MAPRE2: variants seen among roughly 807,000 people sequenced by gnomAD.
MAPRE2 encodes the protein microtubule associated protein RP/EB family member 2.
MAPRE2 carries 13 observed loss-of-function variants against 43.2 expected under a neutral mutation model. The observed-to-expected ratio is 0.30, with a 90% CI of 0.20 to 0.48. The LOEUF (loss-of-function observed/expected upper bound fraction) is 0.48. Among genes scored for constraint, MAPRE2 ranks in the 20% least tolerant of loss-of-function variants. The probability of loss-of-function intolerance (pLI) is 0.99; values close to 1 mark genes in which losing one functional copy is unlikely to be tolerated. For synonymous variants in MAPRE2, 135 were observed against 148.8 expected (o/e 0.91, Z 0.68); for missense variants, 161 against 400.2 (o/e 0.40, Z 5.10).
intron 2 of MAPRE2, among the ~76,000 whole-genome samples, chr18:35,018,897 C>T (rs2097040195): frequency 1.3e-5 from 2 of 151,588 alleles, no homozygotes; most frequent in South Asian, 4.2e-4. Context: ...TCTCTGCTTC[C>T]CTTTGGTATG....
chr18:35,018,373 A>C (rs2097039762), intron 2 of MAPRE2, among the ~76,000 whole-genome samples: 1 of 152,020 alleles, frequency 6.6e-6, no homozygotes, highest in Non-Finnish European at 1.5e-5. Flanking sequence ...TACTTTCAGC[A>C]GAATTGATAC....
intron 1 of MAPRE2, among the ~76,000 whole-genome samples, chr18:34,979,242 G>A (rs1464754437): frequency 6.6e-6 from 1 of 152,170 alleles, no homozygotes; most frequent in Non-Finnish European, 1.5e-5. Context: ...CTGCACTGTT[G>A]TTAAGGGAGA....
chr18:35,035,503 A>C (rs1232528152), intron 2 of MAPRE2, among the ~76,000 whole-genome samples: 3 of 152,036 alleles, frequency 2.0e-5, no homozygotes, highest in Non-Finnish European at 4.4e-5. Flanking sequence ...CCTAAAACTT[A>C]AAGTATAATA....
chr18:35,040,489 C>T (rs984842272), upstream of MAPRE2, among the ~76,000 whole-genome samples: 3 of 152,202 alleles, frequency 2.0e-5, no homozygotes, highest in African/African-American at 7.2e-5. Flanking sequence ...AAGCAGTTTA[C>T]TTAATCTTAC....
chr18:34,996,695 CT>C (rs2097026677), intron 1 of MAPRE2, among the ~76,000 whole-genome samples: 1 of 152,268 alleles, frequency 6.6e-6, no homozygotes, highest in Non-Finnish European at 1.5e-5. Flanking sequence ...ACCAGAGCCC[CT>C]GATGTACTGT....
chr18:35,030,225 C>A (rs2097047174), intron 2 of MAPRE2, among the ~76,000 whole-genome samples: 1 of 152,150 alleles, frequency 6.6e-6, no homozygotes, highest in Non-Finnish European at 1.5e-5. Context: ...TACAGCCTCC[C>A]ATCCCTGGGT....
At chr18:35,120,781 G>T (rs1247446366) in intron 4 of MAPRE2, among the ~76,000 whole-genome samples, 1 of 151,822 alleles carries the variant, frequency 6.6e-6, no homozygotes, top group Non-Finnish European at 1.5e-5. Context: ...CTTTGCCAAG[G>T]TGCAGGGGAT....
At chr18:35,063,391 G>A (rs990468250) in intron 1 of MAPRE2, among the ~76,000 whole-genome samples, 1 of 152,012 alleles carries the variant, frequency 6.6e-6, no homozygotes, top group Non-Finnish European at 1.5e-5. Flanking sequence ...ACAGGCGTGA[G>A]CCACTGCGCC....
chr18:35,101,176 T>C (rs1452851409), intron 3 of MAPRE2, among the ~76,000 whole-genome samples: 1 of 152,232 alleles, frequency 6.6e-6, no homozygotes, highest in Non-Finnish European at 1.5e-5. Context: ...ACTAAGGATA[T>C]TCCTTTTGTC....
intron 4 of MAPRE2, among the ~76,000 whole-genome samples, chr18:35,113,540 C>T (rs1909275711): frequency 6.6e-6 from 1 of 152,082 alleles, no homozygotes; most frequent in African/African-American, 2.4e-5. Context: ...TACTTTGCAA[C>T]TCAGAATCTG....
At chr18:35,026,498 G>A (rs1350679787) in intron 2 of MAPRE2, among the ~76,000 whole-genome samples, 4 of 152,086 alleles carry the variant, frequency 2.6e-5, no homozygotes, top group Non-Finnish European at 5.9e-5. Context: ...AAACCTGAAT[G>A]GAGATTTGAC....
chr18:35,005,578 C>T (rs1410030672), intron 2 of MAPRE2: 1 of 1,425,678 alleles, frequency 7.0e-7, no homozygotes, highest in Non-Finnish European at 9.5e-7. Context: ...AATTACGTTG[C>T]ATGACTCCTT....
At chr18:35,099,011 A>G (rs1374130001) in intron 3 of MAPRE2, among the ~76,000 whole-genome samples, 1 of 152,232 alleles carries the variant, frequency 6.6e-6, no homozygotes, top group African/African-American at 2.4e-5. Flanking sequence ...CTGATGGCAC[A>G]ATGGAAAGTT....
At chr18:35,048,788 A>G (rs897947275) in intron 1 of MAPRE2, among the ~76,000 whole-genome samples, 8 of 150,426 alleles carry the variant, frequency 5.3e-5, no homozygotes, top group African/African-American at 1.9e-4. Flanking sequence ...TTAATACTAT[A>G]TATAACACAT....
At chr18:35,100,044 A>G (rs1908602606) in intron 3 of MAPRE2, among the ~76,000 whole-genome samples, 1 of 152,158 alleles carries the variant, frequency 6.6e-6, no homozygotes. Flanking sequence ...GCTTCCATTC[A>G]TATTGTCACA....
chr18:34,997,047 A>G (rs2097026845), intron 1 of MAPRE2, among the ~76,000 whole-genome samples: 1 of 152,138 alleles, frequency 6.6e-6, no homozygotes, highest in African/African-American at 2.4e-5. Flanking sequence ...TGCTTAAAAA[A>G]GGGGGGTGGG....
rs4575609 is a variant in MAPRE2 at position 34,982,987 on chromosome 18, C to T, written c.-70+5908C>T. ...TGCAGCCATACTTGTTTGTTTACATCTTGTCTATGGCTGTGGCAGCATGGA... is the reference window on the plus strand; with the variant it reads ...TGCAGCCATACTTGTTTGTTTACATTTTGTCTATGGCTGTGGCAGCATGGA... On this transcript the variant is annotated intron_variant, in intron 1 of 7. Transcript: ENST00000413393. Among the ~76,000 whole-genome samples, 286 of 152,232 alleles carry T rather than the reference C, an allele frequency of 1.9e-3. 1 individual carries two copies. The highest frequency in any genetic ancestry group is 0.011 in the Admixed American group (170 of 15,298).
rs1161883717 is a variant in MAPRE2 at position 35,070,191 on chromosome 18, C to G, written c.123-4C>G. 2 of 1,569,384 alleles carry G rather than the reference C, an allele frequency of 1.3e-6. No homozygotes were observed. The highest frequency in any genetic ancestry group is 2.1e-5 in the Admixed American group (1 of 48,594). ...TTGTTAAATAAACTTTGTTTTTTTT[C>G]TAGTTGGGGAATGGCGGTCAATGTG... On this transcript the variant is annotated splice_polypyrimidine_tract_variant and splice_region_variant and intron_variant, in intron 1 of 6. Coordinates refer to ENST00000300249, the MANE Select transcript of MAPRE2 (RefSeq NM_014268.4).
rs113273125 is a variant in MAPRE2 at position 34,979,237 on chromosome 18, C to T, written c.-70+2158C>T. On this transcript the variant is annotated intron_variant, in intron 1 of 7. Coordinates refer to the MAPRE2 transcript ENST00000413393. ...CTTACTTCAATGCCTGGTTTCTGCACTGTTGTTAAGGGAGACGGATAGAAA... is the reference window on the plus strand; with the variant it reads ...CTTACTTCAATGCCTGGTTTCTGCATTGTTGTTAAGGGAGACGGATAGAAA... Among the ~76,000 whole-genome samples, 658 of 152,242 alleles carry T rather than the reference C, an allele frequency of 4.3e-3. 9 individuals carry two copies. The highest frequency in any genetic ancestry group is 0.015 in the African/African-American group (622 of 41,528).
Sources: allele counts gnomAD v4.1 joint callset (sites outside exome capture counted in the v4.1 genomes callset), GRCh38; gene constraint gnomAD v4.1.1; transcripts MANE v1.5; gene names NCBI Gene and HGNC (gene_info 2026-07-23, HGNC 2026-07-21).